Variants in PCNT observed in about 807,000 individuals in gnomAD.
PCNT encodes kendrin.
A neutral mutation model predicts 380.4 loss-of-function variants in PCNT; 319 were observed. That is an observed-to-expected ratio of 0.84 (90% CI 0.77 to 0.92). The LOEUF is 0.92. Among genes scored for constraint, PCNT ranks in the 40% least tolerant of loss-of-function variants. PCNT has a pLI of 0.00. For missense variants in PCNT, 4,400 were observed against 4,255.3 expected (o/e 1.03, Z -0.95); for synonymous variants, 1,845 against 1,735.2 (o/e 1.06, Z -1.57).
At chr21:46,380,852 A>G (rs1402450077) in intron 15 of PCNT, among the ~76,000 whole-genome samples, 1 of 152,076 alleles carries the variant, frequency 6.6e-6, no homozygotes, top group Non-Finnish European at 1.5e-5. Flanking sequence ...CTGGAAGTTT[A>G]AAAAAATAAG....
At chr21:46,401,945 G>A (rs945927134) in intron 26 of PCNT, among the ~76,000 whole-genome samples, 21 of 152,334 alleles carry the variant, frequency 1.4e-4, no homozygotes, top group Admixed American at 8.5e-4. Flanking sequence ...CCGCCTCCTG[G>A]GTTCAAGCGA....
intron 31 of PCNT, among the ~76,000 whole-genome samples, chr21:46,421,289 T>C (rs2087238864): frequency 6.6e-6 from 1 of 151,122 alleles, no homozygotes; most frequent in Admixed American, 6.6e-5. Context: ...CCCGTCTCGC[T>C]GGCATCCTCA....
In PCNT at chr21:46,430,555, G is replaced by A. The variant is rs1376605844; in HGVS notation, c.7962G>A (p.Glu2654=). Reference sequence around the variant, plus strand: ...ACGAGCTGAAGGCCGCGCTTCAGGAGCTGGAGAGTGAGCAGGGGAAGGGGC... The same window carrying A: ...ACGAGCTGAAGGCCGCGCTTCAGGAACTGGAGAGTGAGCAGGGGAAGGGGC... The part of the protein sequence containing the change: ...KENELKAALQ[E]LESEQGKGRA... The change falls in exon 37 of 47, where the codon GAG becomes GAA. Residue 2654 remains glutamate, a synonymous_variant. Transcript: ENST00000359568. 2 of 1,557,584 alleles carry A rather than the reference G, an allele frequency of 1.3e-6. No individual in the cohort carries two copies. Among genetic ancestry groups the A allele is most frequent in the East Asian group, 2.4e-5 (1 of 41,678 alleles).
At chr21:46,371,595 C>T (rs1213270507) in intron 15 of PCNT, among the ~76,000 whole-genome samples, 2 of 152,206 alleles carry the variant, frequency 1.3e-5, no homozygotes, top group Non-Finnish European at 2.9e-5. Flanking sequence ...TAGTCGGAAT[C>T]CCCCTTGGAT....
At chr21:46,406,932 A>G (rs1326228218) in intron 27 of PCNT, among the ~76,000 whole-genome samples, 3 of 152,190 alleles carry the variant, frequency 2.0e-5, no homozygotes, top group African/African-American at 7.2e-5. Context: ...TGCCCTTTTC[A>G]TATGTTACAG....
intron 27 of PCNT, among the ~76,000 whole-genome samples, chr21:46,409,285 C>T (rs1182985578): frequency 1.3e-5 from 2 of 149,354 alleles, no homozygotes; most frequent in African/African-American, 4.9e-5. Flanking sequence ...GCCTCCCAGG[C>T]TCAAGCAGTC....
At chr21:46,433,345 T>C (rs186102701) in intron 38 of PCNT, among the ~76,000 whole-genome samples, 1 of 152,366 alleles carries the variant, frequency 6.6e-6, no homozygotes, top group East Asian at 1.9e-4. Flanking sequence ...ATTGCACCGC[T>C]GCACTTCAGC....
chr21:46,337,732 G>A (rs539451980), intron 3 of PCNT, among the ~76,000 whole-genome samples: 2 of 150,492 alleles, frequency 1.3e-5, no homozygotes, highest in Non-Finnish European at 3.0e-5. Context: ...ACAGGCATGC[G>A]CCACCACGCC....
At chr21:46,368,854 CGAGG>C (rs1421504769) in intron 15 of PCNT, among the ~76,000 whole-genome samples, 2 of 152,204 alleles carry the variant, frequency 1.3e-5, no homozygotes, top group African/African-American at 4.8e-5. Flanking sequence ...AAACTATAAA[CGAGG>C]GAATTGCCAG....
At chr21:46,429,278 C>G (rs4622819) in intron 35 of PCNT, among the ~76,000 whole-genome samples, 1,912 of 93,536 alleles carry the variant, frequency 0.02, 32 homozygotes, top group African/African-American at 0.089. Flanking sequence ...AAGCGCTTGT[C>G]AGGGGCATGG....
chr21:46,410,284 G>A (rs1051914574), intron 27 of PCNT, among the ~76,000 whole-genome samples: 22 of 152,180 alleles, frequency 1.4e-4, no homozygotes, highest in African/African-American at 2.7e-4. Flanking sequence ...AGGTTCATCC[G>A]GTTCCTTTGT....
rs753731664 is a variant in PCNT, at chr21:46,399,564, T to G, written c.4585-26T>G. On this transcript the variant is annotated intron_variant, in intron 24 of 46. Coordinates refer to ENST00000359568, the MANE Select transcript of PCNT (RefSeq NM_006031.6). ...GTTTTTATAAAACATTCTATTGTAT[T>G]CCTCAAGCATTTTTTGTTGTTTTAG... 12 of 1,536,556 alleles carry G rather than the reference T, an allele frequency of 7.8e-6. No homozygotes were observed. The Admixed American group carries it at 2.0e-4, about 26-fold the overall frequency.
intron 15 of PCNT, 78 bp downstream of exon 15, chr21:46,367,217 T>C: frequency 8.1e-7 from 1 of 1,231,920 alleles, no homozygotes; most frequent in Non-Finnish European, 1.2e-6. Flanking sequence ...GTGTCACATG[T>C]CTGCGTGCGT....
intron 15 of PCNT, among the ~76,000 whole-genome samples, chr21:46,371,050 G>A (rs1053942631): frequency 2.0e-5 from 3 of 151,528 alleles, no homozygotes; most frequent in Admixed American, 6.6e-5. Flanking sequence ...ATATATATAT[G>A]AAAATAAAAA....
At chr21:46,412,679 C>T (rs763214386) in intron 28 of PCNT, among the ~76,000 whole-genome samples, 158 bp from the exon 29 acceptor site, 2 of 152,220 alleles carry the variant, frequency 1.3e-5, no homozygotes, top group Non-Finnish European at 2.9e-5. Context: ...TCCCATGTGG[C>T]CTGCTGTGGA....
chr21:46,350,996 ATGTAGAAGTAT>A (rs1166758547), intron 8 of PCNT, among the ~76,000 whole-genome samples: 1 of 152,182 alleles, frequency 6.6e-6, no homozygotes, highest in African/African-American at 2.4e-5. Flanking sequence ...TGCTTCCTTA[ATGTAGAAGTAT>A]TGAAACTGAG....
intron 38 of PCNT, among the ~76,000 whole-genome samples, chr21:46,433,856 C>T (rs1041360742): frequency 1.3e-5 from 2 of 152,152 alleles, no homozygotes; most frequent in Non-Finnish European, 2.9e-5. Context: ...ACTGCAACCT[C>T]CACCTCCCGG....
intron 38 of PCNT, 25 bp from the exon 39 acceptor site, chr21:46,435,879 T>C: frequency 6.2e-7 from 1 of 1,613,858 alleles, no homozygotes; most frequent in Non-Finnish European, 8.5e-7. Context: ...GAACGTCTTC[T>C]CTGTCTTTTT....
chr21:46,435,975 G>A lies in PCNT; in HGVS notation c.8823G>A (p.Leu2941=). 1.2e-6 allele frequency: 2 copies of A among 1,614,188 alleles called. No homozygotes were observed. Among genetic ancestry groups the A allele is most frequent in the Non-Finnish European group, 1.7e-6 (2 of 1,180,032 alleles). ...IKQLQQTVRD[L]ESKDEVPGSR... ...AGCTTCAGCAGACAGTGAGAGACCT[G>A]GAGTCGAAGGACGAGGTGCCTGGCA... The change falls in exon 39 of 47, where the codon CTG becomes CTA. Residue 2941 remains leucine (L), a synonymous_variant. Transcript: ENST00000359568.
Sources: gnomAD v4.1 joint callset for allele counts (sites outside exome capture counted in the v4.1 genomes callset) on GRCh38, gnomAD v4.1.1 for gene constraint, MANE v1.5 for transcripts, NCBI Gene and HGNC (gene_info 2026-07-23, HGNC 2026-07-21) for gene names.